Variants in ST6GALNAC6 observed in about 807,000 individuals in gnomAD.
ST6GALNAC6 encodes the protein ST6 N-acetylgalactosaminide alpha-2,6-sialyltransferase 6.
Under a neutral mutation model 34.3 loss-of-function variants are expected in ST6GALNAC6, and 19 were observed. The observed-to-expected ratio is 0.55, with a 90% CI of 0.39 to 0.81. ST6GALNAC6 has a LOEUF of 0.81. Ranked by LOEUF, ST6GALNAC6 falls within the 40% of genes least tolerant of loss-of-function variation. The pLI is 0.00. For synonymous variants in ST6GALNAC6, 185 were observed against 182.1 expected (o/e 1.02, Z -0.13); for missense variants, 377 against 467.7 (o/e 0.81, Z 1.79).
chr9:127,892,521 T>C (rs1243694501), intron 4 of ST6GALNAC6, among the ~76,000 whole-genome samples: 1 of 152,196 alleles, frequency 6.6e-6, no homozygotes, highest in African/African-American at 2.4e-5. Context: ...CTGCATATAG[T>C]CAGTTCGATA....
In ST6GALNAC6 at chr9:127,893,702, G is replaced by A. The variant is rs138939475; in HGVS notation, c.297+810C>T. Among the ~76,000 whole-genome samples the A allele has an allele frequency of 5.8e-3, 887 of 152,208 alleles. 6 individuals carry two copies. The highest frequency in any genetic ancestry group is 7.9e-3 in the Non-Finnish European group (540 of 68,010). On this transcript the variant is annotated intron_variant, in intron 4 of 6. Coordinates refer to ENST00000373146, the MANE Select transcript of ST6GALNAC6 (RefSeq NM_013443.5). ...ACTCAAGCTGTCCCATTTTTATTCC[G>A]CTTTCAAGGGTTCTTAGGGTAGAGA...
At chr9:127,892,301 AACT>A (rs1830194847) in intron 4 of ST6GALNAC6, among the ~76,000 whole-genome samples, 1 of 152,224 alleles carries the variant, frequency 6.6e-6, no homozygotes, top group Non-Finnish European at 1.5e-5. Context: ...TTTATAGTTT[AACT>A]CTGAAGCAAA....
chr9:127,890,927 T>G lies in ST6GALNAC6; in HGVS notation c.414A>C (p.Ala138=), dbSNP rs776657900. 6.2e-7 allele frequency: 1 copy of G among 1,614,058 alleles called. No homozygotes were observed. ...CATCAGCTGAGTAGCCAGTGGTGGG[T>G]GCATCATTCATGCGGATTGTACACT... is the stretch of plus-strand genomic sequence containing the variant. ...RAECTIRMND[A]PTTGYSADVG... The change falls in exon 5 of 7, where the codon GCA becomes GCC. Residue 138 remains alanine, a synonymous_variant. Coordinates refer to ENST00000373146, the MANE Select transcript of ST6GALNAC6 (RefSeq NM_013443.5). This position sits in a 1 kb window ranked among gnomAD's most constrained non-coding sequence, Gnocchi z 4.3.
At chr9:127,901,679 C>T (rs886350618), upstream of ST6GALNAC6, among the ~76,000 whole-genome samples, 1 of 151,702 alleles carries the variant, frequency 6.6e-6, no homozygotes, top group Admixed American at 6.6e-5. Context: ...GCCCTGTAAT[C>T]CCAGCACTTT....
At chr9:127,898,842 A>C (rs4419909) in intron 1 of ST6GALNAC6, among the ~76,000 whole-genome samples, 152,335 of 152,336 alleles carry the variant, frequency 1, 76,167 homozygotes, top group Middle Eastern at 1. Flanking sequence ...GGCTCGGCAC[A>C]GGCACCAGGG....
upstream of ST6GALNAC6, among the ~76,000 whole-genome samples, chr9:127,901,531 CT>C (rs557439347): frequency 4.9e-3 from 749 of 152,278 alleles, 1 homozygote; most frequent in Non-Finnish European, 7.3e-3. Flanking sequence ...TCGCTTGAAC[CT>C]GAGAGGCGGG....
upstream of ST6GALNAC6, chr9:127,899,669 G>A (rs1407299036): frequency 2.0e-6 from 2 of 984,026 alleles, no homozygotes; most frequent in East Asian, 1.1e-4. Context: ...TGGGAGGTGG[G>A]CGGAGCCTCG....
chr9:127,900,874 C>T (rs1374980316), upstream of ST6GALNAC6, among the ~76,000 whole-genome samples: 1 of 146,650 alleles, frequency 6.8e-6, no homozygotes, highest in African/African-American at 2.5e-5. Context: ...ATCCCAGCTA[C>T]TTGGGAGGCT....
chr9:127,897,843 C>T, intron 2 of ST6GALNAC6, 113 bp downstream of exon 2: 3 of 1,586,130 alleles, frequency 1.9e-6, no homozygotes, highest in East Asian at 2.3e-5. Context: ...CGAGCTGTGC[C>T]CTCAGCCAGG....
intron 1 of ST6GALNAC6, among the ~76,000 whole-genome samples, chr9:127,898,912 G>A: frequency 6.6e-6 from 1 of 152,254 alleles, no homozygotes; most frequent in East Asian, 1.9e-4. Flanking sequence ...GGAGGCGGCA[G>A]CCCCGAGCGC....
At chr9:127,896,151 G>T in intron 3 of ST6GALNAC6, 91 bp downstream of exon 3, 1 of 1,412,768 alleles carries the variant, frequency 7.1e-7, no homozygotes, top group Non-Finnish European at 1.0e-6. Flanking sequence ...AGAGACTCGT[G>T]GTGGCTGGGG....
chr9:127,889,482 G>C (rs1431717640), intron 5 of ST6GALNAC6, among the ~76,000 whole-genome samples: 2 of 144,884 alleles, frequency 1.4e-5, no homozygotes, highest in African/African-American at 5.1e-5. Context: ...CTCGCCTTGT[G>C]GCCTAGGCTG....
intron 4 of ST6GALNAC6, among the ~76,000 whole-genome samples, chr9:127,891,958 C>A (rs372147525): frequency 6.6e-6 from 1 of 151,970 alleles, no homozygotes; most frequent in Non-Finnish European, 1.5e-5. Flanking sequence ...TCGAGACCAG[C>A]CTGACCAACA....
At chr9:127,896,366 G>C (rs367859245) in intron 2 of ST6GALNAC6, 34 bp from the exon 3 acceptor site, 1 of 1,562,344 alleles carries the variant, frequency 6.4e-7, no homozygotes, top group South Asian at 1.2e-5. Context: ...TTATGGCTTC[G>C]GTCCTTTGGG....
chr9:127,899,652 C>A, upstream of ST6GALNAC6: 1 of 983,702 alleles, frequency 1.0e-6, no homozygotes, highest in Non-Finnish European at 1.2e-6. Flanking sequence ...ACGGCCCGGC[C>A]CAGGCCTGGG....
upstream of ST6GALNAC6, among the ~76,000 whole-genome samples, chr9:127,899,946 C>G (rs1343413445): frequency 6.6e-6 from 1 of 152,226 alleles, no homozygotes; most frequent in African/African-American, 2.4e-5. Context: ...GGGCTCCCCA[C>G]AGAGGGCCTC....
At chr9:127,895,770 C>T (rs1453088956) in intron 3 of ST6GALNAC6, among the ~76,000 whole-genome samples, 1 of 152,072 alleles carries the variant, frequency 6.6e-6, no homozygotes, top group East Asian at 1.9e-4. Context: ...GCAGTGGATC[C>T]TAGGGAAGGG....
rs1829780216 is a variant in ST6GALNAC6 at position 127,886,733 on chromosome 9, C to T, written c.868G>A (p.Asp290Asn). The change falls in exon 7 of 7, where the codon GAC becomes AAC. Residue 290 changes from aspartate to asparagine, a missense_variant. Physicochemically the swap from Asp to Asn is conservative, Grantham distance 23. Coordinates refer to ENST00000373146, the MANE Select transcript of ST6GALNAC6 (RefSeq NM_013443.5). The stretch of plus-strand genomic sequence containing the variant: ...TTCTGGATGTAGGTGACACATTCGT[C>T]CGGCCCCTTGGGCTCGTAGTAGTGG... Reference protein sequence around the residue: ...PYHYYEPKGPDECVTYIQNEH... With the variant: ...PYHYYEPKGPNECVTYIQNEH... The T allele has an allele frequency of 4.3e-6, 7 of 1,613,668 alleles. No homozygotes were observed. The highest frequency in any genetic ancestry group is 5.9e-6 in the Non-Finnish European group (7 of 1,179,674).
In ST6GALNAC6 at chr9:127,890,851, C is replaced by G; in HGVS notation, c.490G>C (p.Val164Leu). Residue 164 changes from valine to leucine, a missense_variant, in exon 5 of 7, where the codon GTG becomes CTG. By Grantham distance (32) the Val-to-Leu change is conservative. Coordinates refer to ENST00000373146, the MANE Select transcript of ST6GALNAC6 (RefSeq NM_013443.5). The surrounding 1 kb of genome is among the most constrained non-coding windows in gnomAD (Gnocchi z 4.3). ...ACAAACTCCTGGGGCCTCCTCAGCA[C>G]GCGGAACACACTGGAATGGGCCACG... ...RVVAHSSVFR[V>L]LRRPQEFVNR... 6.2e-7 allele frequency: 1 copy of G among 1,614,174 alleles called. No homozygotes were observed.
Sources: gnomAD v4.1 joint callset for allele counts (sites outside exome capture counted in the v4.1 genomes callset) on GRCh38, gnomAD v4.1.1 for gene constraint, Gnocchi (gnomAD v3.1) non-coding constraint, MANE v1.5 for transcripts, NCBI Gene and HGNC (gene_info 2026-07-23, HGNC 2026-07-21) for gene names.